Variants in TPD52 observed in about 807,000 individuals in gnomAD.
TPD52 encodes prostate and colon associated protein.
A neutral mutation model predicts 31.3 loss-of-function variants in TPD52; 17 were observed. The ratio of observed to expected loss-of-function variants is 0.54; its 90% CI spans 0.37 to 0.82. The LOEUF (loss-of-function observed/expected upper bound fraction) is 0.82. Ranked by LOEUF, TPD52 falls within the 40% of genes least tolerant of loss-of-function variation. The probability of loss-of-function intolerance (pLI) is 0.00; values close to 1 mark genes in which losing one functional copy is unlikely to be tolerated. For missense variants in TPD52, 212 were observed against 240.1 expected, an observed-to-expected ratio of 0.88 and a Z score of 0.77; for synonymous variants, 83 against 89.6, an observed-to-expected ratio of 0.93 and a Z score of 0.42.
At chr8:80,140,984 T>TGTGTGTGTGTGTGTGG (rs58969780) in intron 1 of TPD52, among the ~76,000 whole-genome samples, 1 of 149,532 alleles carries the variant, frequency 6.7e-6, no homozygotes, top group African/African-American at 2.5e-5. Context: ...TGTGTGTGTG[T>TGTGTGTGTGTGTGTGG]AGAAAGAGTA....
At chr8:80,110,901 C>T (rs563384923) in intron 1 of TPD52, among the ~76,000 whole-genome samples, 2 of 152,322 alleles carry the variant, frequency 1.3e-5, no homozygotes, top group East Asian at 3.9e-4. Context: ...TATCCATCAA[C>T]TGCTGAATGC....
At chr8:80,092,409 CA>C (rs987234915) in intron 1 of TPD52, among the ~76,000 whole-genome samples, 2 of 152,134 alleles carry the variant, frequency 1.3e-5, no homozygotes, top group African/African-American at 2.4e-5. Flanking sequence ...TTAATAGATC[CA>C]GCAATCCTAC....
At chr8:80,105,001 A>G (rs546130032) in intron 1 of TPD52, among the ~76,000 whole-genome samples, 1 of 152,230 alleles carries the variant, frequency 6.6e-6, no homozygotes, top group South Asian at 2.1e-4. Flanking sequence ...CTGAGGCTGC[A>G]GTGAGCTGAG....
intron 1 of TPD52, among the ~76,000 whole-genome samples, chr8:80,069,008 G>C (rs1813461969): frequency 2.0e-5 from 3 of 152,114 alleles, no homozygotes; most frequent in South Asian, 4.1e-4. Flanking sequence ...TAAATCAATA[G>C]AATAGACATA....
At chr8:80,154,994 G>GTTT in intron 1 of TPD52, among the ~76,000 whole-genome samples, 1 of 118,092 alleles carries the variant, frequency 8.5e-6, no homozygotes, top group African/African-American at 3.3e-5. Flanking sequence ...TGTGTTTTTG[G>GTTT]TTTTTTGTTT....
chr8:80,113,552 G>A (rs1355579740), intron 1 of TPD52, among the ~76,000 whole-genome samples: 1 of 152,128 alleles, frequency 6.6e-6, no homozygotes, highest in Non-Finnish European at 1.5e-5. Context: ...AAGATGAAGA[G>A]ATGAAGAAAA....
chr8:80,121,596 G>A (rs940292144), intron 1 of TPD52, among the ~76,000 whole-genome samples: 4 of 152,170 alleles, frequency 2.6e-5, no homozygotes, highest in Non-Finnish European at 4.4e-5. Context: ...CAGGAGCCAC[G>A]TGGAAAATCT....
chr8:80,104,042 G>A (rs1806927488), intron 1 of TPD52, among the ~76,000 whole-genome samples: 1 of 152,140 alleles, frequency 6.6e-6, no homozygotes, highest in South Asian at 2.1e-4. Flanking sequence ...AAACATCCTG[G>A]GGCATAGCTG....
chr8:80,081,882 C>T (rs1815329353), intron 1 of TPD52, among the ~76,000 whole-genome samples: 1 of 152,220 alleles, frequency 6.6e-6, no homozygotes, highest in African/African-American at 2.4e-5. Flanking sequence ...CAGCTCACTG[C>T]AACCTCCACC....
At chr8:80,108,513 T>G (rs1341759126) in intron 1 of TPD52, among the ~76,000 whole-genome samples, 1 of 152,204 alleles carries the variant, frequency 6.6e-6, no homozygotes, top group Non-Finnish European at 1.5e-5. Context: ...ATTGTTTTGA[T>G]TTTTCTCTAA....
At chr8:80,127,120 A>AAG (rs1055636952) in intron 1 of TPD52, among the ~76,000 whole-genome samples, 1 of 152,116 alleles carries the variant, frequency 6.6e-6, no homozygotes, top group Non-Finnish European at 1.5e-5. Context: ...CAAAAAAAAA[A>AAG]AAGAAGAGAA....
intron 1 of TPD52, among the ~76,000 whole-genome samples, chr8:80,109,159 T>C (rs1383452142): frequency 1.3e-5 from 2 of 152,106 alleles, no homozygotes; most frequent in South Asian, 2.1e-4. Flanking sequence ...TGGGGGACCT[T>C]ACGAGAAGAG....
At chr8:80,068,061 T>C (rs1252993072) in intron 1 of TPD52, among the ~76,000 whole-genome samples, 3 of 83,064 alleles carry the variant, frequency 3.6e-5, no homozygotes, top group African/African-American at 5.1e-5. Flanking sequence ...ATTTTAATGT[T>C]GTTTTTTTTT....
At chr8:80,051,371 A>C in intron 4 of TPD52, 156 bp downstream of exon 4, 1 of 636,776 alleles carries the variant, frequency 1.6e-6, no homozygotes, top group Non-Finnish European at 2.7e-6. Flanking sequence ...AAGACCTTAG[A>C]TGAGCCTTCC....
intron 1 of TPD52, among the ~76,000 whole-genome samples, chr8:80,074,705 A>T (rs1231054014): frequency 6.6e-6 from 1 of 152,236 alleles, no homozygotes; most frequent in Admixed American, 6.5e-5. Flanking sequence ...CACTGACTTA[A>T]GGCGAGGGAG....
intron 1 of TPD52, among the ~76,000 whole-genome samples, chr8:80,135,683 G>T (rs1490678420): frequency 5.3e-4 from 76 of 144,378 alleles, no homozygotes; most frequent in East Asian, 8.4e-4. Flanking sequence ...ACATGCACAC[G>T]TATGTTTATT....
intron 1 of TPD52, among the ~76,000 whole-genome samples, chr8:80,072,340 T>TGTGTGTGTGTGTGTGA (rs1813917413): frequency 6.6e-6 from 1 of 151,038 alleles, no homozygotes. Context: ...TGTGTGTGTG[T>TGTGTGTGTGTGTGTGA]GTGTGTGTAT....
At chr8:80,080,272 G>T (rs755240031) in intron 1 of TPD52, 7 of 1,586,762 alleles carry the variant, frequency 4.4e-6, no homozygotes, top group Non-Finnish European at 4.3e-6. Context: ...TTATGTCTAG[G>T]TTTTATTCCA....
chr8:80,104,576 A>C (rs558809765), intron 1 of TPD52, among the ~76,000 whole-genome samples: 1 of 150,972 alleles, frequency 6.6e-6, no homozygotes, highest in South Asian at 2.1e-4. Context: ...AAAAAAAAAA[A>C]ACAACAACAA....
Sources: allele counts gnomAD v4.1 joint callset (sites outside exome capture counted in the v4.1 genomes callset), GRCh38; gene constraint gnomAD v4.1.1; transcripts MANE v1.5; gene names NCBI Gene and HGNC (gene_info 2026-07-23, HGNC 2026-07-21).